ARF3: variants seen among roughly 807,000 people sequenced by gnomAD.
ARF3 encodes ADP-ribosylation factor 3.
Under a neutral mutation model 19.3 loss-of-function variants are expected in ARF3, and 5 were observed. The observed-to-expected ratio is 0.26, with a 90% CI of 0.14 to 0.54. The LOEUF (loss-of-function observed/expected upper bound fraction) is 0.54. ARF3 is among the 20% of genes least tolerant of loss of function. ARF3 has a pLI of 0.95. For synonymous variants in ARF3, 71 were observed against 89.2 expected, an observed-to-expected ratio of 0.80 and a Z score of 1.15; for missense variants, 77 against 234.2, an observed-to-expected ratio of 0.33 and a Z score of 4.38.
At position 48,940,941 on chromosome 12, in the gene ARF3, C is replaced by T; in HGVS notation, c.148+7G>A. ...CGTGAAAGCCCACATCCAAGCTGTG[C>T]TCTTACCAATGGTAGGGATGGTGGT... is the stretch of plus-strand genomic sequence containing the variant. On this transcript the variant is annotated splice_region_variant and intron_variant, in intron 2 of 4. Transcript: ENST00000256682. 7 of 1,595,342 alleles carry T rather than the reference C, an allele frequency of 4.4e-6. No homozygotes were observed. Among genetic ancestry groups the T allele is most frequent in the South Asian group, 2.2e-5 (2 of 89,030 alleles).
chr12:48,938,698 G>A lies in ARF3; in HGVS notation c.*249C>T, dbSNP rs1009349744. 9 of 523,728 alleles carry A rather than the reference G, an allele frequency of 1.7e-5. No individual in the cohort carries two copies. The highest frequency in any genetic ancestry group is 9.6e-5 in the Admixed American group (3 of 31,172). 32.4% of individuals were successfully genotyped at this position (523,728 alleles called of 1,614,324 possible). ...GAGAGAGGGGCCACCCCATGAAACC[G>A]TAACAACTTTTTGTTTTAAATCCAG... On this transcript the variant is annotated 3_prime_UTR_variant, in exon 5 of 5. Coordinates refer to ENST00000256682, the MANE Select transcript of ARF3 (RefSeq NM_001659.3).
At chr12:48,957,226 C>A (rs1241126701) in intron 1 of ARF3, 84 bp downstream of exon 1, 1 of 152,326 alleles carries the variant, frequency 6.6e-6, no homozygotes, top group Non-Finnish European at 1.5e-5. Context: ...CGGGCGGGGC[C>A]CGGGAGGCGC....
chr12:48,943,803 C>T (rs1940308689), intron 1 of ARF3, among the ~76,000 whole-genome samples: 1 of 152,168 alleles, frequency 6.6e-6, no homozygotes. Context: ...TCAGTAGGTT[C>T]CCCAGATGAG....
chr12:48,952,586 T>C (rs1940489300), intron 1 of ARF3, among the ~76,000 whole-genome samples: 1 of 152,142 alleles, frequency 6.6e-6, no homozygotes, highest in Non-Finnish European at 1.5e-5. Flanking sequence ...AGTCCATCAA[T>C]AGCCTAGACT....
chr12:48,952,138 G>C (rs1296701756), intron 1 of ARF3, among the ~76,000 whole-genome samples: 1 of 152,188 alleles, frequency 6.6e-6, no homozygotes, highest in Non-Finnish European at 1.5e-5. Context: ...GGCCAGAATT[G>C]TTATGCCAGC....
At chr12:48,948,733 C>T (rs1305016056) in intron 1 of ARF3, among the ~76,000 whole-genome samples, 1 of 151,978 alleles carries the variant, frequency 6.6e-6, no homozygotes, top group Non-Finnish European at 1.5e-5. Context: ...ATTGCTTGAA[C>T]CCAGGAAGCA....
chr12:48,940,974 T>C lies in ARF3; in HGVS notation c.122A>G (p.Glu41Gly). 1 of 1,610,064 alleles carries C rather than the reference T, an allele frequency of 6.2e-7. No homozygotes were observed. Among genetic ancestry groups the C allele is most frequent in the Non-Finnish European group, 8.5e-7 (1 of 1,177,882 alleles). The change falls in exon 2 of 5, where the codon GAG becomes GGG. Residue 41 changes from glutamate to glycine, a missense_variant. Physicochemically the swap from Glu to Gly is moderately conservative, Grantham distance 98 (BLOSUM62 -2). This residue lies in a region of ARF3 where 15 missense variants were observed against 96.6 expected (regional missense o/e 0.16). Transcript: ENST00000256682. ...AATGGTAGGGATGGTGGTGACGATCTCCCCGAGTTTCAGCTTGTATAGGAT... is the reference window on the plus strand; with the variant it reads ...AATGGTAGGGATGGTGGTGACGATCCCCCCGAGTTTCAGCTTGTATAGGAT... ...TTILYKLKLG[E>G]IVTTIPTIGF...
In ARF3 at chr12:48,938,823, G is replaced by A. The variant is rs995133561; in HGVS notation, c.*124C>T. On this transcript the variant is annotated 3_prime_UTR_variant, in exon 5 of 5. Coordinates refer to ENST00000256682, the MANE Select transcript of ARF3 (RefSeq NM_001659.3). ...GCAGGGGAGGCAAGGCTCTTGCTGG[G>A]CATGTGGACATGATACCCAGGGCCC... is the stretch of plus-strand genomic sequence containing the variant. 109 of 1,269,000 alleles carry A rather than the reference G, an allele frequency of 8.6e-5. No homozygotes were observed. Among genetic ancestry groups the A allele is most frequent in the Non-Finnish European group, 1.1e-4 (101 of 921,270 alleles). The allele number at this position is 1,269,000 out of a possible 1,614,324, so 78.6% of individuals were successfully genotyped here. A position where few individuals can be genotyped will look rare whatever the true frequency, so the allele number is the denominator to read the frequency against.
At chr12:48,951,385 A>AC (rs1434328503) in intron 1 of ARF3, among the ~76,000 whole-genome samples, 35 of 150,196 alleles carry the variant, frequency 2.3e-4, no homozygotes, top group Middle Eastern at 6.9e-3. Context: ...ACATGGTGAG[A>AC]CCCCATCTCT....
chr12:48,936,487 A>G lies in ARF3; in HGVS notation c.*2460T>C, dbSNP rs1940143399. On this transcript the variant is annotated 3_prime_UTR_variant, in exon 5 of 5. Coordinates refer to ENST00000256682, the MANE Select transcript of ARF3 (RefSeq NM_001659.3). Reference sequence around the variant, plus strand: ...ATGGAATGAAACACCCAATCCCAAAAGAGCTGTTAAGTGAATGGGAATGTA... The same window carrying G: ...ATGGAATGAAACACCCAATCCCAAAGGAGCTGTTAAGTGAATGGGAATGTA... The G allele has an allele frequency of 6.5e-6, 1 of 152,686 alleles. No homozygotes were observed. The highest frequency in any genetic ancestry group is 2.1e-4 in the South Asian group (1 of 4,832). The allele number at this position is 152,686 out of a possible 1,614,324, so 9.5% of individuals were successfully genotyped here.
rs1474614188 is a variant in ARF3 at position 48,942,345 on chromosome 12, C to T, written c.-93-1157G>A. On this transcript the variant is annotated intron_variant, in intron 1 of 4. Transcript: ENST00000256682. ...ATCCTCCTGCCTTAGCCTCCCAGGG[C>T]ACTGGGATTACAAGCATGAGCCACC... 2.6e-5 allele frequency among the ~76,000 whole-genome samples: 4 copies of T among 151,654 alleles called. No individual in the cohort carries two copies. In the East Asian group the frequency reaches 7.8e-4, roughly 29 times the overall value.
At position 48,957,429 on chromosome 12, in the gene ARF3, C is replaced by A. The variant is rs1199928638; in HGVS notation, c.-213G>T. 2 of 153,194 alleles carry A rather than the reference C, an allele frequency of 1.3e-5. No homozygotes were observed. Among genetic ancestry groups the A allele is most frequent in the African/African-American group, 2.4e-5 (1 of 41,472 alleles). The allele number at this position is 153,194 out of a possible 1,614,324, so 9.5% of individuals were successfully genotyped here. A position where few individuals can be genotyped will look rare whatever the true frequency, so the allele number is the denominator to read the frequency against. ...GCTGCTGCCCTGGCCCACTCCCCGG[C>A]TCCCTCCTTCCTTCCCTCCACCTAG... On this transcript the variant is annotated 5_prime_UTR_variant, in exon 1 of 5. Transcript: ENST00000256682.
chr12:48,942,007 G>A (rs753499040), intron 1 of ARF3, among the ~76,000 whole-genome samples: 2 of 152,056 alleles, frequency 1.3e-5, no homozygotes, highest in African/African-American at 4.8e-5. Context: ...TAAGCCTTTC[G>A]GCCTATTCTC....
chr12:48,953,342 G>A (rs780714878), intron 1 of ARF3: 7 of 152,066 alleles, frequency 4.6e-5, no homozygotes, highest in Non-Finnish European at 8.8e-5. Context: ...TCCACCACCA[G>A]TAGAGAGTAA....
intron 1 of ARF3, among the ~76,000 whole-genome samples, chr12:48,943,256 C>T (rs1012665418): frequency 6.6e-6 from 1 of 152,196 alleles, no homozygotes; most frequent in Non-Finnish European, 1.5e-5. Context: ...CATTCATTCC[C>T]TTTCTTCTTC....
In ARF3 at chr12:48,953,005, G is replaced by C. The variant is rs966631471; in HGVS notation, c.-94+4305C>G. 5 of 152,314 alleles carry C rather than the reference G, an allele frequency of 3.3e-5. No individual in the cohort carries two copies. In the East Asian group the frequency reaches 9.6e-4, roughly 29 times the overall value. The allele number at this position is 152,314 out of a possible 1,614,324, so 9.4% of individuals were successfully genotyped here. A position where few individuals can be genotyped will look rare whatever the true frequency, so the allele number is the denominator to read the frequency against. On this transcript the variant is annotated intron_variant, in intron 1 of 4. Transcript: ENST00000256682. ...TATTACCATTTTTTGTGTATACCAT[G>C]ATGAGAAAAAGGCTGGAAAGTACCT...
chr12:48,955,075 A>G (rs540935322), intron 1 of ARF3, among the ~76,000 whole-genome samples: 4 of 152,178 alleles, frequency 2.6e-5, no homozygotes, highest in Admixed American at 1.3e-4. Flanking sequence ...CCTGGTTTTA[A>G]AGAAGTTCCT....
intron 1 of ARF3, among the ~76,000 whole-genome samples, chr12:48,945,620 G>A (rs904907863): frequency 6.6e-6 from 1 of 151,760 alleles, no homozygotes; most frequent in Admixed American, 6.6e-5. Flanking sequence ...CTACTCCAGA[G>A]GCTCAGGCAG....
chr12:48,939,200 C>G lies in ARF3; in HGVS notation c.385-92G>C, dbSNP rs1416607730. On this transcript the variant is annotated intron_variant, in intron 4 of 4. Transcript: ENST00000256682. This position sits in a 1 kb window ranked among gnomAD's most constrained non-coding sequence, Gnocchi z 4.8. ...CTACCAAAGAAATGTGTACCAGCACCTTCCCCTCCTCCTTTATTTTAGGAA... is the reference window on the plus strand; with the variant it reads ...CTACCAAAGAAATGTGTACCAGCACGTTCCCCTCCTCCTTTATTTTAGGAA... The G allele has an allele frequency of 1.5e-6, 2 of 1,369,812 alleles. No homozygotes were observed. The highest frequency in any genetic ancestry group is 4.7e-5 in the Admixed American group (2 of 42,810). 84.9% of individuals were successfully genotyped at this position (1,369,812 alleles called of 1,614,324 possible).
Sources: gnomAD v4.1 joint callset for allele counts (sites outside exome capture counted in the v4.1 genomes callset) on GRCh38, gnomAD v4.1.1 for gene constraint, gnomAD v4.1.1 regional missense constraint, Gnocchi (gnomAD v3.1) non-coding constraint, MANE v1.5 for transcripts, NCBI Gene and HGNC (gene_info 2026-07-23, HGNC 2026-07-21) for gene names.